Variants in ZNF813 observed in about 807,000 individuals in gnomAD.
The protein encoded by ZNF813 is zinc finger protein 813.
Under a neutral mutation model 7.2 loss-of-function variants are expected in ZNF813, and 3 were observed. That is an observed-to-expected ratio of 0.42 (90% confidence interval 0.19 to 1.08). The LOEUF (loss-of-function observed/expected upper bound fraction) is 1.08, where lower values mean the gene tolerates loss of function less well. Ranked by LOEUF, ZNF813 falls within the 50% of genes least tolerant of loss-of-function variation. The pLI is 0.30. For missense variants in ZNF813, 714 were observed against 753.3 expected (o/e 0.95, Z 0.61); for synonymous variants, 227 against 256.3 (o/e 0.89, Z 1.09).
chr19:53,485,656 A>G (rs2039799408), intron 2 of ZNF813, among the ~76,000 whole-genome samples: 1 of 151,604 alleles, frequency 6.6e-6, no homozygotes. Context: ...GTCATGACAT[A>G]TATACACATA....
In ZNF813 at chr19:53,485,587, T is replaced by TGATATATAC. The variant is rs571848662; in HGVS notation, c.16-1045_16-1044insGATATATAC. Among the ~76,000 whole-genome samples the TGATATATAC allele has an allele frequency of 2.9e-5, 4 of 139,816 alleles. 1 individual carries two copies. In the East Asian group the frequency reaches 6.8e-4, roughly 24 times the overall value. The allele number at this position is 139,816 out of a possible 152,430, so 91.7% of individuals were successfully genotyped here. A position where few individuals can be genotyped will look rare whatever the true frequency, so the allele number is the denominator to read the frequency against. On this transcript the variant is annotated intron_variant, in intron 2 of 3. Transcript: ENST00000396403. Reference sequence around the variant, plus strand: ...ACATATATACATGTATGTCATGACATATGTATGTCATGATATATATCGTGA... The same window carrying TGATATATAC: ...ACATATATACATGTATGTCATGACATGATATATACATGTATGTCATGATATATATCGTGA...
chr19:53,487,655 G>A (rs1164039695), intron 3 of ZNF813, among the ~76,000 whole-genome samples: 5 of 151,944 alleles, frequency 3.3e-5, no homozygotes, highest in African/African-American at 7.3e-5. Context: ...AAAATTAGCC[G>A]GACACTGTGG....
chr19:53,491,823 G>T lies in ZNF813; in HGVS notation c.1591G>T (p.Val531Phe), dbSNP rs568203752. ...KPYKCNECGK[V>F]FNRKTHLAHH... Reference sequence around the variant, plus strand: ...TTACAAGTGTAATGAATGTGGCAAGGTTTTTAATCGAAAAACACACCTTGC... The same window carrying T: ...TTACAAGTGTAATGAATGTGGCAAGTTTTTTAATCGAAAAACACACCTTGC... Residue 531 changes from valine to phenylalanine, a missense_variant, in exon 4 of 4, where the codon GTT becomes TTT. Physicochemically the swap from Val to Phe is conservative, Grantham distance 50. Coordinates refer to ENST00000396403, the MANE Select transcript of ZNF813 (RefSeq NM_001004301.4). The T allele has an allele frequency of 1.5e-5, 25 of 1,613,524 alleles. No homozygotes were observed. In the African/African-American group the frequency reaches 2.1e-4, roughly 14 times the overall value.
chr19:53,484,710 G>A (rs548423193), intron 2 of ZNF813, among the ~76,000 whole-genome samples: 10 of 152,192 alleles, frequency 6.6e-5, no homozygotes, highest in African/African-American at 2.2e-4. Flanking sequence ...GATTATAGGC[G>A]TGCGTCACCC....
chr19:53,468,169 T>A (rs1424221866), intron 1 of ZNF813, among the ~76,000 whole-genome samples: 1 of 150,878 alleles, frequency 6.6e-6, no homozygotes, highest in Non-Finnish European at 1.5e-5. Context: ...GCGTCCTCTG[T>A]CTGGTCCCGG....
At chr19:53,468,927 T>C (rs1398469944) in intron 1 of ZNF813, among the ~76,000 whole-genome samples, 2 of 151,988 alleles carry the variant, frequency 1.3e-5, no homozygotes, top group African/African-American at 2.4e-5. Flanking sequence ...GGCTGGGGGA[T>C]GTAAGGTCTT....
At position 53,496,012 on chromosome 19, in the gene ZNF813, G is replaced by T; in HGVS notation, c.*3926G>T. 2.8e-6 allele frequency: 1 copy of T among 359,960 alleles called. No individual in the cohort carries two copies. The highest frequency in any genetic ancestry group is 5.5e-6 in the Non-Finnish European group (1 of 182,472). The allele number at this position is 359,960 out of a possible 1,614,324, so 22.3% of individuals were successfully genotyped here. On this transcript the variant is annotated 3_prime_UTR_variant, in exon 4 of 4. Coordinates refer to ENST00000396403, the MANE Select transcript of ZNF813 (RefSeq NM_001004301.4). ...AGGTACGACTCCAAAAGGAGACATTGGAGAAGAACGAAGCGGGGTCTATAA... is the reference window on the plus strand; with the variant it reads ...AGGTACGACTCCAAAAGGAGACATTTGAGAAGAACGAAGCGGGGTCTATAA...
chr19:53,469,828 T>G (rs1304869415), intron 1 of ZNF813, among the ~76,000 whole-genome samples: 31 of 150,188 alleles, frequency 2.1e-4, no homozygotes, highest in East Asian at 1.6e-3. Context: ...AAGAGAGAAT[T>G]TAACGGGGAG....
At chr19:53,472,584 A>C (rs1255515090) in intron 1 of ZNF813, among the ~76,000 whole-genome samples, 1 of 147,202 alleles carries the variant, frequency 6.8e-6, no homozygotes, top group South Asian at 2.2e-4. Context: ...AATTGAGTAG[A>C]TGGTCTGATT....
chr19:53,481,342 TTC>T (rs1261907666), intron 1 of ZNF813, among the ~76,000 whole-genome samples: 2 of 111,498 alleles, frequency 1.8e-5, no homozygotes, highest in African/African-American at 7.7e-5. Flanking sequence ...CACCCATGTA[TTC>T]TTTTTTTTTT....
At chr19:53,468,595 A>G (rs2086340239) in intron 1 of ZNF813, among the ~76,000 whole-genome samples, 1 of 152,140 alleles carries the variant, frequency 6.6e-6, no homozygotes, top group Non-Finnish European at 1.5e-5. Context: ...ACATGTGAGC[A>G]AAGGAATCTA....
rs1330419152 is a variant in ZNF813 at position 53,491,716 on chromosome 19, A to T, written c.1484A>T (p.Tyr495Phe). ...GCAATTCATACTGGAGAGAAACCTTACAAGTGTAATGAATGTGGCAAGGGT... is the reference window on the plus strand; with the variant it reads ...GCAATTCATACTGGAGAGAAACCTTTCAAGTGTAATGAATGTGGCAAGGGT... ...HTAIHTGEKPYKCNECGKGFN... is the reference protein window; with the variant it reads ...HTAIHTGEKPFKCNECGKGFN... Residue 495 changes from tyrosine (Y) to phenylalanine (F), a missense_variant, in exon 4 of 4, where the codon TAC becomes TTC. Tyr to Phe is a conservative substitution (Grantham distance 22). Around this residue, in one of 3 missense-constraint regions of ZNF813, gnomAD observed 563 missense variants for 554.2 expected, o/e 1.02. Transcript: ENST00000396403. The T allele has an allele frequency of 1.3e-6, 2 of 1,573,556 alleles. No homozygotes were observed. The highest frequency in any genetic ancestry group is 1.7e-6 in the Non-Finnish European group (2 of 1,149,936).
intron 1 of ZNF813, chr19:53,479,311 G>A: frequency 3.2e-6 from 5 of 1,565,522 alleles, no homozygotes; most frequent in East Asian, 2.2e-5. Context: ...GAATGGAGGA[G>A]GCAGGAACCG....
At position 53,491,331 on chromosome 19, in the gene ZNF813, A is replaced by G. The variant is rs1271299231; in HGVS notation, c.1099A>G (p.Lys367Glu). The G allele has an allele frequency of 6.2e-7, 1 of 1,613,178 alleles. No homozygotes were observed. The highest frequency in any genetic ancestry group is 1.1e-5 in the South Asian group (1 of 90,982). The change falls in exon 4 of 4, where the codon AAG becomes GAG. Residue 367 changes from lysine to glutamate, a missense_variant. Physicochemically the swap from Lys to Glu is moderately conservative, Grantham distance 56. This residue lies in a region of ZNF813 where 563 missense variants were observed against 554.2 expected (regional missense o/e 1.02). Transcript: ENST00000396403. The stretch of plus-strand genomic sequence containing the variant: ...TGAGTGTGGCAAGACCTTTAGTCGG[A>G]AGTCATCCCTTACATGCCATCATAG... ...CNECGKTFSR[K>E]SSLTCHHRLH...
intron 1 of ZNF813, among the ~76,000 whole-genome samples, chr19:53,470,936 C>A (rs76946154): frequency 6.6e-6 from 1 of 152,088 alleles, no homozygotes; most frequent in Non-Finnish European, 1.5e-5. Flanking sequence ...GTGATGATTT[C>A]AAGTACTGCT....
Position 53,492,638 on chromosome 19 carries a change from T to C in ZNF813, c.*552T>C, listed in dbSNP as rs1190605020. The C allele has an allele frequency of 9.1e-6, 7 of 768,366 alleles. No homozygotes were observed. The highest frequency in any genetic ancestry group is 2.8e-4 in the Middle Eastern group (1 of 3,608). 47.6% of individuals were successfully genotyped at this position (768,366 alleles called of 1,614,324 possible). On this transcript the variant is annotated 3_prime_UTR_variant, in exon 4 of 4. Coordinates refer to ENST00000396403, the MANE Select transcript of ZNF813 (RefSeq NM_001004301.4). ...GAAGGAAACTTGACTAATGTAATGA[T>C]TGTCACCAAGTCTTCAGTAACGCTA... is the stretch of plus-strand genomic sequence containing the variant.
intron 1 of ZNF813, among the ~76,000 whole-genome samples, chr19:53,474,075 C>T (rs1212103208): frequency 1.3e-5 from 2 of 152,110 alleles, no homozygotes; most frequent in African/African-American, 4.8e-5. Context: ...AAATGCTGGC[C>T]CATTGTCTGA....
Position 53,480,193 on chromosome 19 carries a change from T to C in ZNF813, c.-73-3557T>C, listed in dbSNP as rs368727808. 8,565 of 745,826 alleles carry C rather than the reference T, an allele frequency of 0.011. No individual in the cohort carries two copies. The African/African-American group carries it at 0.15, about 13-fold the overall frequency. 46.2% of individuals were successfully genotyped at this position (745,826 alleles called of 1,614,324 possible). A position where few individuals can be genotyped will look rare whatever the true frequency, so the allele number is the denominator to read the frequency against. On this transcript the variant is annotated intron_variant, in intron 1 of 3. Transcript: ENST00000396403. Reference sequence around the variant, plus strand: ...CCTTTACCTGAGGGCTGATCTTCAATTGGAAGGCTGCTTTCTCCTCTCACC... The same window carrying C: ...CCTTTACCTGAGGGCTGATCTTCAACTGGAAGGCTGCTTTCTCCTCTCACC...
In ZNF813 at chr19:53,491,862, C is replaced by T. The variant is rs1206646094; in HGVS notation, c.1630C>T (p.Leu544Phe). 7 of 1,611,942 alleles carry T rather than the reference C, an allele frequency of 4.3e-6. No individual in the cohort carries two copies. The highest frequency in any genetic ancestry group is 3.3e-5 in the Admixed American group (2 of 59,838). The change falls in exon 4 of 4, where the codon CTT becomes TTT. Residue 544 changes from leucine (L) to phenylalanine (F), a missense_variant. Leu to Phe is a conservative substitution (Grantham distance 22, BLOSUM62 0). Coordinates refer to ENST00000396403, the MANE Select transcript of ZNF813 (RefSeq NM_001004301.4). ...RKTHLAHHHR[L>F]HTGDKPYKCN... ...AACACACCTTGCACATCATCATAGACTTCATACTGGAGATAAACCTTACAA... is the reference window on the plus strand; with the variant it reads ...AACACACCTTGCACATCATCATAGATTTCATACTGGAGATAAACCTTACAA...
Sources: allele counts gnomAD v4.1 joint callset (sites outside exome capture counted in the v4.1 genomes callset), GRCh38; gene constraint gnomAD v4.1.1; regional missense constraint gnomAD v4.1.1; transcripts MANE v1.5; gene names NCBI Gene and HGNC (gene_info 2026-07-23, HGNC 2026-07-21).